Variants in VGLL4 observed in about 807,000 individuals in gnomAD.
VGLL4 encodes vestigial like family member 4, also known as transcription cofactor vestigial-like protein 4.
Under a neutral mutation model 21.0 loss-of-function variants are expected in VGLL4, and 7 were observed. That is an observed-to-expected ratio of 0.33 (90% CI 0.19 to 0.63). VGLL4 has a LOEUF of 0.63. Ranked by LOEUF, VGLL4 falls within the 20% of genes least tolerant of loss-of-function variation. The pLI is 0.78. For synonymous variants in VGLL4, 222 were observed against 173.2 expected (o/e 1.28, Z -2.21); for missense variants, 394 against 425.7 (o/e 0.93, Z 0.66).
rs1419681967 is a variant in VGLL4 at position 11,557,077 on chromosome 3, T to C, written c.*1479A>G. ...ACCACGCCCACGTCACCTGGTCAGG[T>C]GCCATCGTCGTGAGCCTCTGGTGGG... On this transcript the variant is annotated 3_prime_UTR_variant, in exon 5 of 5. Transcript: ENST00000430365. 1.3e-5 allele frequency: 2 copies of C among 152,306 alleles called. No individual in the cohort carries two copies. The highest frequency in any genetic ancestry group is 2.9e-5 in the Non-Finnish European group (2 of 68,026). 9.4% of individuals were successfully genotyped at this position (152,306 alleles called of 1,614,324 possible).
chr3:11,578,941 G>A (rs75844792), intron 2 of VGLL4, among the ~76,000 whole-genome samples: 26,546 of 151,366 alleles, frequency 0.18, 2,535 homozygotes, highest in East Asian at 0.33. Context: ...GTAGAGACGG[G>A]GTTTCATCGT....
intron 1 of VGLL4, among the ~76,000 whole-genome samples, chr3:11,716,933 G>A (rs985206934): frequency 6.6e-6 from 1 of 152,036 alleles, no homozygotes; most frequent in Non-Finnish European, 1.5e-5. Flanking sequence ...GCACAAATGA[G>A]CCTCAGTTAA....
chr3:11,559,078 A>C (rs954719589), intron 4 of VGLL4, among the ~76,000 whole-genome samples: 1 of 152,248 alleles, frequency 6.6e-6, no homozygotes, highest in African/African-American at 2.4e-5. Context: ...TTAAATTTAA[A>C]TAACAGTAGC....
At chr3:11,649,784 A>G (rs1321595205) in intron 2 of VGLL4, among the ~76,000 whole-genome samples, 1 of 152,162 alleles carries the variant, frequency 6.6e-6, no homozygotes, top group African/African-American at 2.4e-5. Flanking sequence ...CTTACTAATT[A>G]TGTCATATGT....
intron 2 of VGLL4, among the ~76,000 whole-genome samples, chr3:11,591,653 C>T (rs1333727042): frequency 6.6e-6 from 1 of 152,360 alleles, no homozygotes; most frequent in East Asian, 1.9e-4. Flanking sequence ...GAAACCCACA[C>T]AACACAGGTC....
intron 1 of VGLL4, among the ~76,000 whole-genome samples, chr3:11,711,018 C>A (rs917095677): frequency 2.0e-5 from 3 of 151,034 alleles, no homozygotes; most frequent in Non-Finnish European, 4.4e-5. Context: ...GAGAATCACT[C>A]GAACCCGGGA....
chr3:11,568,976 G>A lies in VGLL4; in HGVS notation c.273-3957C>T. 8.6e-7 allele frequency: 1 copy of A among 1,160,350 alleles called. No individual in the cohort carries two copies. The highest frequency in any genetic ancestry group is 3.8e-4 in the Middle Eastern group (1 of 2,662). The allele number at this position is 1,160,350 out of a possible 1,614,324, so 71.9% of individuals were successfully genotyped here. On this transcript the variant is annotated intron_variant, in intron 2 of 4. Coordinates refer to ENST00000430365, the MANE Select transcript of VGLL4 (RefSeq NM_001128219.3). The surrounding 1 kb of genome is among the most constrained non-coding windows in gnomAD (Gnocchi z 5.9). ...AAGATGGAAAGAGGAGGGAGGGAAA[G>A]AGAGGCCTACAACACCATCATCCAG...
intron 3 of VGLL4, among the ~76,000 whole-genome samples, chr3:11,561,894 TTTTTTTTTTTTTTTTTTTTTTTAAA>T (rs993795209): frequency 4.2e-5 from 6 of 143,916 alleles, no homozygotes; most frequent in Non-Finnish European, 7.6e-5. Flanking sequence ...CGCCAAACTT[TTTTTTTTTTTTTTTTTTTTTTTAAA>T]GACAAAGTCT....
intron 2 of VGLL4, among the ~76,000 whole-genome samples, chr3:11,669,056 T>C (rs1350197708): frequency 3.3e-5 from 5 of 152,240 alleles, no homozygotes; most frequent in Admixed American, 6.5e-5. Context: ...AATGTCTTTT[T>C]CTCCTCTGCT....
At chr3:11,665,101 C>CTTTTTTTTTTTTTTTTT (rs59999510) in intron 2 of VGLL4, among the ~76,000 whole-genome samples, 2 of 96,950 alleles carry the variant, frequency 2.1e-5, no homozygotes, top group African/African-American at 9.8e-5. Context: ...GAATATTTTT[C>CTTTTTTTTTTTTTTTTT]TTTTTTTTTT....
intron 2 of VGLL4, among the ~76,000 whole-genome samples, chr3:11,665,156 C>T (rs2076101173): frequency 7.7e-6 from 1 of 130,150 alleles, no homozygotes; most frequent in Non-Finnish European, 1.5e-5. Context: ...CTCTGTCACC[C>T]AGGCTGCAGT....
At chr3:11,558,894 C>A in intron 4 of VGLL4, 67 bp from the exon 5 acceptor site, 1 of 1,559,140 alleles carries the variant, frequency 6.4e-7, no homozygotes. Flanking sequence ...ACGGTTGCAG[C>A]ACCCTCCCTC....
At chr3:11,706,011 T>G (rs1014840983) in intron 1 of VGLL4, among the ~76,000 whole-genome samples, 1 of 152,218 alleles carries the variant, frequency 6.6e-6, no homozygotes, top group African/African-American at 2.4e-5. Flanking sequence ...GACTCATAAT[T>G]CTCTAAATTA....
chr3:11,704,151 C>T (rs772528402), intron 1 of VGLL4, among the ~76,000 whole-genome samples: 1 of 152,068 alleles, frequency 6.6e-6, no homozygotes, highest in Admixed American at 6.5e-5. Flanking sequence ...GAGGCCGAGG[C>T]GGGCAGGTAA....
intron 2 of VGLL4, among the ~76,000 whole-genome samples, chr3:11,651,910 G>A (rs2075877911): frequency 6.6e-6 from 1 of 151,974 alleles, no homozygotes; most frequent in Non-Finnish European, 1.5e-5. Context: ...AGTATTTTGT[G>A]GAATTTTTCA....
At chr3:11,616,125 ATC>A (rs1400602811) in intron 1 of VGLL4, among the ~76,000 whole-genome samples, 3 of 151,252 alleles carry the variant, frequency 2.0e-5, no homozygotes, top group Non-Finnish European at 4.4e-5. Flanking sequence ...AGCCTTACCC[ATC>A]TCTCTTTCTC....
intron 2 of VGLL4, among the ~76,000 whole-genome samples, chr3:11,689,510 C>G (rs1253775439): frequency 6.6e-6 from 1 of 152,190 alleles, no homozygotes; most frequent in Non-Finnish European, 1.5e-5. Flanking sequence ...TCACAACAGG[C>G]TACTTAGATT....
chr3:11,574,781 A>ATG (rs1288636397), intron 2 of VGLL4, among the ~76,000 whole-genome samples: 30 of 121,008 alleles, frequency 2.5e-4, no homozygotes, highest in African/African-American at 9.6e-4. Context: ...CAATTCAACT[A>ATG]TATATGTGTG....
At chr3:11,694,476 G>A (rs2076576663) in intron 2 of VGLL4, among the ~76,000 whole-genome samples, 1 of 151,928 alleles carries the variant, frequency 6.6e-6, no homozygotes, top group Non-Finnish European at 1.5e-5. Context: ...ACAAAAATTA[G>A]CTGGGCATGG....
Sources: allele counts gnomAD v4.1 joint callset (sites outside exome capture counted in the v4.1 genomes callset), GRCh38; gene constraint gnomAD v4.1.1; non-coding constraint Gnocchi (gnomAD v3.1); transcripts MANE v1.5; gene names NCBI Gene and HGNC (gene_info 2026-07-23, HGNC 2026-07-21).